Variants in CPSF3 observed in about 807,000 individuals in gnomAD.
The protein encoded by CPSF3 is cleavage and polyadenylation specificity factor subunit 3.
CPSF3 carries 57 observed loss-of-function variants against 84.1 expected under a neutral mutation model. That is an observed-to-expected ratio of 0.68 (90% confidence interval 0.55 to 0.85). CPSF3 has a LOEUF of 0.85. Ranked by LOEUF, CPSF3 falls within the 40% of genes least tolerant of loss-of-function variation. The pLI is 0.00. For missense variants in CPSF3, 522 were observed against 838.8 expected (o/e 0.62, Z 4.66); for synonymous variants, 275 against 278.1 (o/e 0.99, Z 0.11).
chr2:9,458,321 T>C (rs1170087192), intron 14 of CPSF3, among the ~76,000 whole-genome samples: 1 of 152,068 alleles, frequency 6.6e-6, no homozygotes, highest in African/African-American at 2.4e-5. Flanking sequence ...GGAGAATCAC[T>C]TGCATCTGGG....
intron 12 of CPSF3, 66 bp from the exon 13 acceptor site, chr2:9,455,592 TC>T: frequency 1.8e-6 from 2 of 1,106,874 alleles, no homozygotes; most frequent in East Asian, 2.4e-5. Flanking sequence ...ATTTCTTTTT[TC>T]TTTGCTCCTG....
chr2:9,428,401 A>G (rs1438455133), intron 1 of CPSF3, among the ~76,000 whole-genome samples: 1 of 152,216 alleles, frequency 6.6e-6, no homozygotes, highest in Non-Finnish European at 1.5e-5. Flanking sequence ...TAGAAGTATT[A>G]TTATATAATC....
chr2:9,457,765 T>C (rs1681581497), intron 14 of CPSF3, among the ~76,000 whole-genome samples: 1 of 152,086 alleles, frequency 6.6e-6, no homozygotes, highest in Non-Finnish European at 1.5e-5. Context: ...TTTTTTTTCT[T>C]TTTTTGAGAC....
chr2:9,434,931 T>TA (rs1309120463), intron 6 of CPSF3, among the ~76,000 whole-genome samples: 1 of 152,248 alleles, frequency 6.6e-6, no homozygotes, highest in Non-Finnish European at 1.5e-5. Context: ...GGCCAGTACA[T>TA]ACTGCTGTCC....
chr2:9,450,717 G>T (rs952660687), intron 11 of CPSF3, among the ~76,000 whole-genome samples: 1 of 152,140 alleles, frequency 6.6e-6, no homozygotes, highest in Non-Finnish European at 1.5e-5. Context: ...GAACCTGGGA[G>T]GCGGAGGTTG....
chr2:9,441,287 T>C (rs1680953286), intron 8 of CPSF3, among the ~76,000 whole-genome samples: 1 of 152,240 alleles, frequency 6.6e-6, no homozygotes, highest in Non-Finnish European at 1.5e-5. Context: ...TCCGAAATAA[T>C]TTAAAAGTGG....
chr2:9,450,184 C>T (rs966581043), intron 11 of CPSF3, among the ~76,000 whole-genome samples: 4 of 145,272 alleles, frequency 2.8e-5, no homozygotes, highest in African/African-American at 1.0e-4. Context: ...AGGAGTCTTG[C>T]TCTGTCGCCC....
At chr2:9,472,523 C>G (rs999831742) in intron 17 of CPSF3, among the ~76,000 whole-genome samples, 1 of 152,078 alleles carries the variant, frequency 6.6e-6, no homozygotes, top group African/African-American at 2.4e-5. Context: ...CAGTCTTTCA[C>G]CCCAGCCTCA....
At chr2:9,456,284 G>A (rs1681524364) in intron 13 of CPSF3, among the ~76,000 whole-genome samples, 1 of 152,058 alleles carries the variant, frequency 6.6e-6, no homozygotes, top group Non-Finnish European at 1.5e-5. Context: ...CATCATGAGG[G>A]GCCGTGACTA....
At chr2:9,459,687 TCA>T in intron 15 of CPSF3, 69 bp downstream of exon 15, 2 of 717,040 alleles carry the variant, frequency 2.8e-6, no homozygotes, top group Non-Finnish European at 4.1e-6. Flanking sequence ...ACTAGCTCTG[TCA>T]TCCAGGCTGG....
intron 10 of CPSF3, 97 bp from the exon 11 acceptor site, chr2:9,448,101 A>G (rs1681187181): frequency 1.8e-5 from 11 of 625,912 alleles, no homozygotes; most frequent in Non-Finnish European, 2.5e-5. Flanking sequence ...TCTCTATTTC[A>G]TATATTAAAT....
chr2:9,429,307 C>G (rs1680495299), intron 2 of CPSF3, among the ~76,000 whole-genome samples: 2 of 152,216 alleles, frequency 1.3e-5, no homozygotes, highest in Admixed American at 1.3e-4. Flanking sequence ...GAGATAGTTT[C>G]TAAGGTACTC....
intron 9 of CPSF3, among the ~76,000 whole-genome samples, chr2:9,442,648 C>T (rs564520333): frequency 4.6e-5 from 7 of 152,046 alleles, no homozygotes; most frequent in South Asian, 2.1e-4. Flanking sequence ...GTCAGGAGTT[C>T]GAGACCAGCC....
At chr2:9,451,195 C>T (rs1355531257) in intron 11 of CPSF3, among the ~76,000 whole-genome samples, 4 of 152,188 alleles carry the variant, frequency 2.6e-5, no homozygotes, top group Middle Eastern at 3.4e-3. Context: ...AAAATCATTA[C>T]CTTTAGTTAT....
intron 7 of CPSF3, among the ~76,000 whole-genome samples, chr2:9,439,783 T>G (rs1161266535): frequency 6.6e-6 from 1 of 152,014 alleles, no homozygotes; most frequent in Non-Finnish European, 1.5e-5. Context: ...AGTCCAGAGT[T>G]TGAGACCAGC....
chr2:9,471,199 G>A (rs1056974606), intron 16 of CPSF3, 144 bp from the exon 17 acceptor site: 3 of 483,086 alleles, frequency 6.2e-6, no homozygotes, highest in Non-Finnish European at 1.1e-5. Context: ...GGGCCACAGA[G>A]CAAGACTCCA....
intron 16 of CPSF3, among the ~76,000 whole-genome samples, chr2:9,471,134 A>G (rs1448812827): frequency 1.3e-5 from 2 of 152,144 alleles, no homozygotes; most frequent in African/African-American, 4.8e-5. Context: ...GAATCACTTG[A>G]ATCCGGGAGG....
chr2:9,427,179 G>C (rs1327542550), intron 1 of CPSF3, among the ~76,000 whole-genome samples: 1 of 152,216 alleles, frequency 6.6e-6, no homozygotes, highest in Non-Finnish European at 1.5e-5. Context: ...TCAGAAGGAG[G>C]GAGGGAGTAC....
At chr2:9,469,582 C>A (rs1682093876) in intron 16 of CPSF3, among the ~76,000 whole-genome samples, 1 of 152,142 alleles carries the variant, frequency 6.6e-6, no homozygotes, top group Non-Finnish European at 1.5e-5. Context: ...TGCGGCCCTT[C>A]CACTGGACTT....
Sources: allele counts gnomAD v4.1 joint callset (sites outside exome capture counted in the v4.1 genomes callset), GRCh38; gene constraint gnomAD v4.1.1; transcripts MANE v1.5; gene names NCBI Gene and HGNC (gene_info 2026-07-23, HGNC 2026-07-21).